Variants in USH2A observed in about 807,000 individuals in gnomAD.
USH2A encodes the protein Usher syndrome 2A (autosomal recessive, mild).
Under a neutral mutation model 538.9 loss-of-function variants are expected in USH2A, and 443 were observed. The ratio of observed to expected loss-of-function variants is 0.82; its 90% CI spans 0.76 to 0.89. The LOEUF is 0.89. USH2A is among the 40% of genes least tolerant of loss of function. The pLI, the probability that USH2A is intolerant of heterozygous loss-of-function variation, is 0.00. For synonymous variants in USH2A, 2,413 were observed against 2,273.5 expected, an observed-to-expected ratio of 1.06 and a Z score of -1.75; for missense variants, 6,633 against 6,324.8, an observed-to-expected ratio of 1.05 and a Z score of -1.65.
intron 61 of USH2A, among the ~76,000 whole-genome samples, chr1:215,685,160 T>C (rs1453230588): frequency 2.0e-5 from 3 of 152,026 alleles, no homozygotes; most frequent in Non-Finnish European, 2.9e-5. Context: ...TTATATGTCG[T>C]AATGTAGACA....
chr1:216,092,918 A>G (rs538991033), intron 22 of USH2A, among the ~76,000 whole-genome samples: 9 of 152,208 alleles, frequency 5.9e-5, no homozygotes, highest in African/African-American at 1.9e-4. Context: ...TTTACTTACT[A>G]GACATCATTA....
intron 50 of USH2A, among the ~76,000 whole-genome samples, chr1:215,798,479 A>C (rs1662204908): frequency 6.6e-6 from 1 of 152,182 alleles, no homozygotes; most frequent in Non-Finnish European, 1.5e-5. Context: ...TATATAAAAT[A>C]TTGGCACAGT....
intron 38 of USH2A, among the ~76,000 whole-genome samples, chr1:215,926,330 A>G (rs1028797): frequency 0.82 from 124,027 of 151,828 alleles, 50,757 homozygotes; most frequent in Admixed American, 0.84. Context: ...AAAATAGAAG[A>G]GAAAGCTCAG....
intron 61 of USH2A, among the ~76,000 whole-genome samples, chr1:215,683,682 TC>T (rs1241435351): frequency 6.6e-6 from 1 of 152,224 alleles, no homozygotes; most frequent in Non-Finnish European, 1.5e-5. Context: ...TTCCTTTTAC[TC>T]CTTTGCTTCA....
intron 9 of USH2A, among the ~76,000 whole-genome samples, chr1:216,300,794 A>G (rs889141367): frequency 7.4e-6 from 1 of 135,114 alleles, no homozygotes; most frequent in African/African-American, 2.9e-5. Flanking sequence ...TCTGTTGCCC[A>G]GGTTGGAGCC....
intron 20 of USH2A, among the ~76,000 whole-genome samples, chr1:216,187,437 T>A (rs947052746): frequency 1.3e-5 from 2 of 151,932 alleles, no homozygotes; most frequent in Non-Finnish European, 2.9e-5. Context: ...AACCAACAAA[T>A]GTGAAATTTG....
intron 12 of USH2A, among the ~76,000 whole-genome samples, chr1:216,247,966 C>T (rs1339885131): frequency 1.3e-5 from 2 of 151,996 alleles, no homozygotes; most frequent in Non-Finnish European, 2.9e-5. Flanking sequence ...TTTGTGAAAA[C>T]AGCATATACA....
chr1:215,759,871 A>G lies in USH2A; in HGVS notation c.11048-28T>C, dbSNP rs184780752. The G allele has an allele frequency of 1.1e-3, 1,789 of 1,613,554 alleles. 1 individual carries two copies. Among genetic ancestry groups the G allele is most frequent in the Non-Finnish European group, 1.3e-3 (1,525 of 1,179,506 alleles). On this transcript the variant is annotated intron_variant, in intron 56 of 71. Coordinates refer to ENST00000307340, the MANE Select transcript of USH2A (RefSeq NM_206933.4). ...GGCAAGAATAACGCAATGAGGTTTT[A>G]TTGTTAGGAGAAAATAAACAGTGTA...
chr1:215,878,828 G>A lies in USH2A; in HGVS notation c.8494C>T (p.Leu2832=), dbSNP rs1490758391. The change falls in exon 42 of 72, where the codon CTA becomes TTA. Residue 2832 remains leucine (L), a synonymous_variant. Transcript: ENST00000307340. The part of the protein sequence containing the change: ...QNVGPLSVIP[L]SESYVVISWQ... ...GAAATCACAACATATGATTCACTTA[G>A]TGGAATCACAGACAATGGGCCAACA... The A allele has an allele frequency of 6.2e-6, 10 of 1,613,996 alleles. No individual in the cohort carries two copies. Among genetic ancestry groups the A allele is most frequent in the Non-Finnish European group, 7.6e-6 (9 of 1,179,944 alleles).
intron 21 of USH2A, among the ~76,000 whole-genome samples, chr1:216,147,100 A>C (rs11120738): frequency 0.9 from 136,119 of 151,790 alleles, 61,309 homozygotes; most frequent in East Asian, 0.98. Flanking sequence ...GTGACCAGTT[A>C]AACTCATCCC....
rs1655950451 is a variant in USH2A, at chr1:215,624,698, G to GTTCT, written c.*1079_*1082dup. On this transcript the variant is annotated 3_prime_UTR_variant, in exon 72 of 72. Coordinates refer to ENST00000307340, the MANE Select transcript of USH2A (RefSeq NM_206933.4). ...TAATTGGTACTGTTGCATATCATCT[G>GTTCT]TTCTTACTGATTCTGTGGCTAAAAT... The GTTCT allele has an allele frequency of 6.6e-6, 1 of 152,080 alleles. No individual in the cohort carries two copies. The highest frequency in any genetic ancestry group is 1.5e-5 in the Non-Finnish European group (1 of 68,014). The allele number at this position is 152,080 out of a possible 1,614,324, so 9.4% of individuals were successfully genotyped here.
In USH2A at chr1:216,073,183, G is replaced by T; in HGVS notation, c.5690C>A (p.Ala1897Asp). 6.2e-7 allele frequency: 1 copy of T among 1,613,838 alleles called. No homozygotes were observed. The highest frequency in any genetic ancestry group is 8.5e-7 in the Non-Finnish European group (1 of 1,179,944). Residue 1897 changes from alanine (A) to aspartate (D), a missense_variant, in exon 28 of 72, where the codon GCT becomes GAT. Ala to Asp is a moderately radical substitution (Grantham distance 126). Coordinates refer to ENST00000307340, the MANE Select transcript of USH2A (RefSeq NM_206933.4). ...GGAGTCATTTCCCCTGCAGTTAACA[G>T]CACTGTCAGTTGATAGGCATCCATC... ...NLDGCLSTDS[A>D]VNCRGNDSIL... is the part of the protein sequence containing the mutation.
intron 34 of USH2A, among the ~76,000 whole-genome samples, chr1:215,996,566 T>TTTTTTTTTG (rs1668146635): frequency 2.8e-5 from 1 of 35,722 alleles, no homozygotes; most frequent in African/African-American, 8.2e-5. Flanking sequence ...TTATGTTTTT[T>TTTTTTTTTG]TTTTTTTTTT....
Position 215,671,280 on chromosome 1 carries a change from T to C in USH2A, c.13825A>G (p.Ile4609Val). 6.2e-7 allele frequency: 1 copy of C among 1,614,030 alleles called. No homozygotes were observed. The highest frequency in any genetic ancestry group is 8.5e-7 in the Non-Finnish European group (1 of 1,179,988). The part of the protein sequence containing the change: ...LKPFHRYEIR[I>V]QACTTLGCAS... ...CATCCCAGGGTGGTGCACGCTTGAATTCGTATTTCATACCTTCAGGACATA... is the reference window on the plus strand; with the variant it reads ...CATCCCAGGGTGGTGCACGCTTGAACTCGTATTTCATACCTTCAGGACATA... Residue 4609 changes from isoleucine (I) to valine (V), a missense_variant, in exon 64 of 72, where the codon ATT becomes GTT. Transcript: ENST00000307340.
intron 3 of USH2A, among the ~76,000 whole-genome samples, chr1:216,412,188 G>T (rs1316449036): frequency 6.6e-6 from 1 of 152,102 alleles, no homozygotes; most frequent in Non-Finnish European, 1.5e-5. Context: ...CTAACATTTT[G>T]AGGAGTTACA....
At chr1:216,388,933 C>T (rs1404711325) in intron 3 of USH2A, among the ~76,000 whole-genome samples, 1 of 152,076 alleles carries the variant, frequency 6.6e-6, no homozygotes, top group African/African-American at 2.4e-5. Context: ...TATTTAAAGG[C>T]AAATCAATTT....
intron 9 of USH2A, among the ~76,000 whole-genome samples, chr1:216,308,482 C>T (rs1334906613): frequency 6.6e-6 from 1 of 152,132 alleles, no homozygotes; most frequent in East Asian, 1.9e-4. Flanking sequence ...TCAGTTGCCA[C>T]TTCTGGCTTC....
intron 21 of USH2A, among the ~76,000 whole-genome samples, chr1:216,163,566 A>G (rs1336232126): frequency 6.6e-6 from 1 of 151,974 alleles, no homozygotes; most frequent in African/African-American, 2.4e-5. Context: ...ATAGGAAAAA[A>G]TTGCACACTC....
intron 64 of USH2A, among the ~76,000 whole-genome samples, chr1:215,655,898 G>A (rs1305754568): frequency 6.6e-6 from 1 of 151,898 alleles, no homozygotes; most frequent in Admixed American, 6.6e-5. Flanking sequence ...ACCACACCTG[G>A]CTAATTTTTT....
Sources: gnomAD v4.1 joint callset for allele counts (sites outside exome capture counted in the v4.1 genomes callset) on GRCh38, gnomAD v4.1.1 for gene constraint, MANE v1.5 for transcripts, NCBI Gene and HGNC (gene_info 2026-07-23, HGNC 2026-07-21) for gene names.